Variants in FOXJ3 observed in about 807,000 individuals in gnomAD.
FOXJ3 encodes forkhead box protein J3.
FOXJ3 carries 22 observed loss-of-function variants against 76.1 expected under a neutral mutation model. The observed-to-expected ratio is 0.29, with a 90% confidence interval of 0.21 to 0.41. The LOEUF (loss-of-function observed/expected upper bound fraction) is 0.41, where lower values mean the gene tolerates loss of function less well. Ranked by LOEUF, FOXJ3 falls within the 10% of genes least tolerant of loss-of-function variation. The pLI is 1.00. For synonymous variants in FOXJ3, 269 were observed against 261.2 expected, an observed-to-expected ratio of 1.03 and a Z score of -0.29; for missense variants, 613 against 762.1, an observed-to-expected ratio of 0.80 and a Z score of 2.30.
At chr1:42,290,276 C>T (rs918228635) in intron 2 of FOXJ3, among the ~76,000 whole-genome samples, 16 of 152,072 alleles carry the variant, frequency 1.1e-4, no homozygotes, top group Non-Finnish European at 1.8e-4. Context: ...AAGCTAGAAT[C>T]CCTTAAGGTT....
intron 4 of FOXJ3, among the ~76,000 whole-genome samples, chr1:42,251,223 T>C (rs922471259): frequency 6.6e-6 from 1 of 152,038 alleles, no homozygotes; most frequent in Admixed American, 6.5e-5. Context: ...ACTCATTACA[T>C]ATAGAAGAAT....
At chr1:42,254,908 C>T (rs1570066546) in intron 4 of FOXJ3, among the ~76,000 whole-genome samples, 1 of 148,916 alleles carries the variant, frequency 6.7e-6, no homozygotes, top group East Asian at 2.0e-4. Flanking sequence ...GGCACATGTA[C>T]ACATATGTAA....
chr1:42,324,510 A>C (rs968275092), intron 1 of FOXJ3, among the ~76,000 whole-genome samples: 27 of 151,850 alleles, frequency 1.8e-4, no homozygotes, highest in African/African-American at 6.5e-4. Context: ...ACAGTGATGC[A>C]TCGCTTAACA....
At chr1:42,253,876 G>C (rs1444951705) in intron 4 of FOXJ3, among the ~76,000 whole-genome samples, 1 of 151,782 alleles carries the variant, frequency 6.6e-6, no homozygotes, top group African/African-American at 2.4e-5. Context: ...GAAAACCTAG[G>C]CATTACCATT....
At chr1:42,225,777 A>G (rs1029823178) in intron 5 of FOXJ3, among the ~76,000 whole-genome samples, 2 of 152,242 alleles carry the variant, frequency 1.3e-5, no homozygotes, top group African/African-American at 4.8e-5. Context: ...ATGTACATTC[A>G]ATAACACATG....
At chr1:42,265,023 G>A in intron 4 of FOXJ3, 92 bp downstream of exon 4, 1 of 840,180 alleles carries the variant, frequency 1.2e-6, no homozygotes, top group Non-Finnish European at 2.1e-6. Context: ...ATTTTGCAGA[G>A]GTTCCTATTC....
intron 4 of FOXJ3, among the ~76,000 whole-genome samples, chr1:42,237,439 T>TAC (rs1417996893): frequency 4.8e-5 from 7 of 146,546 alleles, no homozygotes; most frequent in African/African-American, 1.0e-4. Flanking sequence ...CATACATACA[T>TAC]ATATATATAT....
At chr1:42,225,496 T>G (rs1440468159) in intron 5 of FOXJ3, among the ~76,000 whole-genome samples, 1 of 152,220 alleles carries the variant, frequency 6.6e-6, no homozygotes, top group Non-Finnish European at 1.5e-5. Context: ...ATAAGAACAC[T>G]ATATTTTAGT....
intron 3 of FOXJ3, among the ~76,000 whole-genome samples, chr1:42,266,318 G>A (rs1252439319): frequency 6.6e-6 from 1 of 151,870 alleles, no homozygotes; most frequent in Non-Finnish European, 1.5e-5. Context: ...CAGCTACAAA[G>A]AATGATGCTC....
At chr1:42,215,672 AT>A (rs1326325600) in intron 5 of FOXJ3, among the ~76,000 whole-genome samples, 1 of 152,246 alleles carries the variant, frequency 6.6e-6, no homozygotes, top group Non-Finnish European at 1.5e-5. Flanking sequence ...TCATAATCAA[AT>A]TCTTGAAAAT....
intron 1 of FOXJ3, among the ~76,000 whole-genome samples, chr1:42,314,213 G>A (rs866894989): frequency 1.3e-5 from 2 of 152,230 alleles, no homozygotes; most frequent in Middle Eastern, 3.4e-3. Context: ...AGTACATAGA[G>A]CTAACTTAAC....
chr1:42,271,688 C>T (rs935788877), intron 3 of FOXJ3, among the ~76,000 whole-genome samples: 3 of 151,896 alleles, frequency 2.0e-5, no homozygotes, highest in Admixed American at 1.3e-4. Flanking sequence ...CTCGCTCTGT[C>T]ACCAGGCTGC....
intron 6 of FOXJ3, among the ~76,000 whole-genome samples, chr1:42,204,321 T>C (rs1057190977): frequency 6.6e-6 from 1 of 152,126 alleles, no homozygotes. Context: ...TGGCTATGTA[T>C]GTCTGGTATT....
At chr1:42,331,392 A>AAT (rs1171292020) in intron 1 of FOXJ3, among the ~76,000 whole-genome samples, 1 of 152,082 alleles carries the variant, frequency 6.6e-6, no homozygotes, top group Non-Finnish European at 1.5e-5. Context: ...AAATAATAAT[A>AAT]ATAATAATGA....
At chr1:42,256,749 T>G (rs1317853326) in intron 4 of FOXJ3, among the ~76,000 whole-genome samples, 1 of 152,214 alleles carries the variant, frequency 6.6e-6, no homozygotes, top group Non-Finnish European at 1.5e-5. Flanking sequence ...TGAAAGCATG[T>G]CCACAGAAAA....
At chr1:42,283,222 T>C (rs1652840641) in intron 2 of FOXJ3, among the ~76,000 whole-genome samples, 3 of 152,172 alleles carry the variant, frequency 2.0e-5, no homozygotes, top group Non-Finnish European at 4.4e-5. Context: ...AGAGAAGAAT[T>C]TGTCTGCAGT....
chr1:42,219,825 T>G (rs1440485637), intron 5 of FOXJ3, among the ~76,000 whole-genome samples: 1 of 152,088 alleles, frequency 6.6e-6, no homozygotes, highest in Non-Finnish European at 1.5e-5. Flanking sequence ...AGCTAAACAG[T>G]TGAGGATAGC....
intron 8 of FOXJ3, among the ~76,000 whole-genome samples, chr1:42,193,658 A>G (rs1200473762): frequency 6.6e-6 from 1 of 152,222 alleles, no homozygotes; most frequent in African/African-American, 2.4e-5. Flanking sequence ...ATCAATATAA[A>G]TAACAGTATA....
intron 4 of FOXJ3, among the ~76,000 whole-genome samples, chr1:42,260,990 C>T (rs1371571605): frequency 6.6e-6 from 1 of 152,170 alleles, no homozygotes; most frequent in Non-Finnish European, 1.5e-5. Context: ...GCCCTATAAT[C>T]CTTTAGTTCC....
Sources: gnomAD v4.1 joint callset for allele counts (sites outside exome capture counted in the v4.1 genomes callset) on GRCh38, gnomAD v4.1.1 for gene constraint, MANE v1.5 for transcripts, NCBI Gene and HGNC (gene_info 2026-07-23, HGNC 2026-07-21) for gene names.